The following RB1 variants were observed in gnomAD, a reference collection of about 807,000 sequenced individuals.
RB1 encodes RB transcriptional corepressor 1.
In RB1, 18 loss-of-function variants were observed where a neutral mutation model predicts 135.4. The observed-to-expected ratio is 0.13, with a 90% confidence interval of 0.09 to 0.20. The LOEUF is 0.20. Ranked by LOEUF, RB1 falls within the 10% of genes least tolerant of loss-of-function variation. RB1 has a pLI of 1.00. For synonymous variants in RB1, 365 were observed against 373.2 expected, an observed-to-expected ratio of 0.98 and a Z score of 0.25; for missense variants, 868 against 1,110.0, an observed-to-expected ratio of 0.78 and a Z score of 3.10.
chr13:48,355,275 T>C (rs371530822), intron 6 of RB1, among the ~76,000 whole-genome samples: 1 of 152,108 alleles, frequency 6.6e-6, no homozygotes, highest in Middle Eastern at 3.2e-3. Context: ...TACACATTTC[T>C]CAAAAGAAGA....
intron 17 of RB1, among the ~76,000 whole-genome samples, chr13:48,431,167 G>A (rs1311483792): frequency 6.6e-6 from 1 of 152,092 alleles, no homozygotes; most frequent in Non-Finnish European, 1.5e-5. Flanking sequence ...CATTCAAAAA[G>A]GTGGGAGATG....
intron 2 of RB1, chr13:48,318,548 G>T (rs1030686076): frequency 9.3e-6 from 7 of 750,856 alleles, no homozygotes; most frequent in Non-Finnish European, 1.5e-5. Context: ...CCCCTCCCGG[G>T]ACCTCGCTGG....
chr13:48,382,485 A>G (rs1393705571), intron 17 of RB1, among the ~76,000 whole-genome samples: 2 of 152,206 alleles, frequency 1.3e-5, no homozygotes, highest in African/African-American at 4.8e-5. Flanking sequence ...TTTTGGCTGC[A>G]TAAATGTCTT....
intron 8 of RB1, among the ~76,000 whole-genome samples, chr13:48,363,564 GAACA>G (rs923609044): frequency 2.0e-4 from 30 of 152,058 alleles, no homozygotes; most frequent in African/African-American, 6.3e-4. Context: ...CTCCAAAAAC[GAACA>G]AACAAACCAA....
At chr13:48,307,500 A>G in intron 2 of RB1, 94 bp downstream of exon 2, 1 of 1,244,690 alleles carries the variant, frequency 8.0e-7, no homozygotes, top group Non-Finnish European at 1.1e-6. Context: ...AGAAAAATAT[A>G]AAGACAATAA....
At chr13:48,412,531 T>C in intron 17 of RB1, 1 of 770,372 alleles carries the variant, frequency 1.3e-6, no homozygotes. Flanking sequence ...GCAAATTATC[T>C]GGATCTTTGG....
At chr13:48,377,914 A>G (rs982126995) in intron 13 of RB1, among the ~76,000 whole-genome samples, 1 of 152,192 alleles carries the variant, frequency 6.6e-6, no homozygotes, top group Non-Finnish European at 1.5e-5. Context: ...TGGTAACATA[A>G]TGTGTTACCA....
chr13:48,347,790 A>G, intron 4 of RB1, 35 bp from the exon 5 acceptor site: 1 of 1,491,234 alleles, frequency 6.7e-7, no homozygotes, highest in Middle Eastern at 1.7e-4. Context: ...AAATTACGAA[A>G]AAATGTTAAA....
chr13:48,401,882 T>G (rs1334420219), intron 17 of RB1, among the ~76,000 whole-genome samples: 1 of 152,204 alleles, frequency 6.6e-6, no homozygotes, highest in Non-Finnish European at 1.5e-5. Flanking sequence ...ATTATATTCC[T>G]TAAGAATTCT....
chr13:48,363,631 G>C (rs1041102563), intron 8 of RB1, among the ~76,000 whole-genome samples: 3 of 152,118 alleles, frequency 2.0e-5, no homozygotes, highest in Non-Finnish European at 4.4e-5. Flanking sequence ...TTAGTGATAA[G>C]TGATACCAAC....
At position 48,452,987 on chromosome 13, in the gene RB1, A is replaced by T. The variant is rs1593529859; in HGVS notation, c.1696-6A>T. The T allele has an allele frequency of 6.2e-6, 10 of 1,612,144 alleles. No individual in the cohort carries two copies. In the South Asian group the frequency reaches 8.8e-5, roughly 14 times the overall value. ...TGTGGTTTTAATTTCATCATGTTTC[A>T]TATAGGATTCACCTTTATTTGATCT... On this transcript the variant is annotated splice_polypyrimidine_tract_variant and splice_region_variant and intron_variant, in intron 17 of 26. Coordinates refer to ENST00000267163, the MANE Select transcript of RB1 (RefSeq NM_000321.3).
chr13:48,405,970 CATT>C (rs1240078720), intron 17 of RB1, among the ~76,000 whole-genome samples: 2 of 152,080 alleles, frequency 1.3e-5, no homozygotes, highest in Non-Finnish European at 2.9e-5. Context: ...AGATATTTCT[CATT>C]ATTACAGCTG....
At chr13:48,460,695 T>C (rs186784018) in intron 20 of RB1, among the ~76,000 whole-genome samples, 4 of 152,316 alleles carry the variant, frequency 2.6e-5, no homozygotes, top group Non-Finnish European at 5.9e-5. Flanking sequence ...GTGCAGTGGC[T>C]CACGCCTGTA....
intron 6 of RB1, among the ~76,000 whole-genome samples, chr13:48,350,165 G>T (rs1433096017): frequency 6.6e-6 from 1 of 152,010 alleles, no homozygotes; most frequent in Non-Finnish European, 1.5e-5. Flanking sequence ...AGAAACATCA[G>T]ACTTAATCTG....
intron 17 of RB1, among the ~76,000 whole-genome samples, chr13:48,433,931 C>T (rs2138286224): frequency 6.6e-6 from 1 of 151,296 alleles, no homozygotes; most frequent in South Asian, 2.1e-4. Context: ...GCTATGTTGC[C>T]CAGGCTGGTC....
chr13:48,317,779 G>T, intron 2 of RB1: 2 of 376,938 alleles, frequency 5.3e-6, no homozygotes, highest in East Asian at 7.0e-5. Context: ...TGCACCTCAT[G>T]GCCCTTCTGC....
At chr13:48,430,256 T>C (rs1949115617) in intron 17 of RB1, among the ~76,000 whole-genome samples, 1 of 152,086 alleles carries the variant, frequency 6.6e-6, no homozygotes, top group Non-Finnish European at 1.5e-5. Flanking sequence ...TTCAAATCAG[T>C]GGAGAAAATT....
chr13:48,374,643 C>A (rs1222932289), intron 12 of RB1, among the ~76,000 whole-genome samples: 1 of 151,348 alleles, frequency 6.6e-6, no homozygotes, highest in East Asian at 2.0e-4. Flanking sequence ...AACATATGTA[C>A]CCCAATTACC....
chr13:48,422,922 C>T (rs1478125816), intron 17 of RB1: 1 of 152,266 alleles, frequency 6.6e-6, no homozygotes, highest in Non-Finnish European at 1.5e-5. Flanking sequence ...GAGAGGATCA[C>T]TTGAGACCAG....
Sources: gnomAD v4.1 joint callset for allele counts (sites outside exome capture counted in the v4.1 genomes callset) on GRCh38, gnomAD v4.1.1 for gene constraint, MANE v1.5 for transcripts, NCBI Gene and HGNC (gene_info 2026-07-23, HGNC 2026-07-21) for gene names.